The following RSRC1 variants were observed in gnomAD, a reference collection of about 807,000 sequenced individuals.
RSRC1 encodes serine/Arginine-related protein 53.
RSRC1 carries 39 observed loss-of-function variants against 49.1 expected under a neutral mutation model. That is an observed-to-expected ratio of 0.79 (90% confidence interval 0.61 to 1.04). The LOEUF (loss-of-function observed/expected upper bound fraction) is 1.04. Ranked by LOEUF, RSRC1 falls within the 50% of genes least tolerant of loss-of-function variation. RSRC1 has a pLI of 0.00. For missense variants in RSRC1, 388 were observed against 402.4 expected, an observed-to-expected ratio of 0.96 and a Z score of 0.31; for synonymous variants, 143 against 130.8, an observed-to-expected ratio of 1.09 and a Z score of -0.63.
chr3:158,418,112 ACTAT>A (rs1734845135), intron 6 of RSRC1, among the ~76,000 whole-genome samples: 1 of 152,022 alleles, frequency 6.6e-6, no homozygotes, highest in Non-Finnish European at 1.5e-5. Flanking sequence ...TGTGGTTATT[ACTAT>A]CTTTTTATCA....
chr3:158,255,399 C>G (rs1366056627), intron 4 of RSRC1, among the ~76,000 whole-genome samples: 4 of 152,076 alleles, frequency 2.6e-5, no homozygotes, highest in Non-Finnish European at 5.9e-5. Flanking sequence ...ATTTCTGAGG[C>G]CTCTGTTCTG....
Position 158,539,370 on chromosome 3 carries a change from T to A in RSRC1, c.759+2172T>A, listed in dbSNP as rs936054328. Among the ~76,000 whole-genome samples, 16 of 152,084 alleles carry A rather than the reference T, an allele frequency of 1.1e-4. No individual in the cohort carries two copies. The highest frequency in any genetic ancestry group is 2.1e-4 in the Non-Finnish European group (14 of 67,958). On this transcript the variant is annotated intron_variant, in intron 8 of 9. Coordinates refer to ENST00000611884, the MANE Select transcript of RSRC1 (RefSeq NM_001271838.2). The surrounding 1 kb of genome is among the most constrained non-coding windows in gnomAD (Gnocchi z 4.1). Reference sequence around the variant, plus strand: ...CAACACATATTGATTTAACTAGTTTTACTCTCTGAAATCGTATTTCTTTTG... The same window carrying A: ...CAACACATATTGATTTAACTAGTTTAACTCTCTGAAATCGTATTTCTTTTG...
intron 7 of RSRC1, among the ~76,000 whole-genome samples, chr3:158,518,134 A>ATATATATG (rs1740690027): frequency 1.2e-5 from 1 of 80,196 alleles, no homozygotes; most frequent in African/African-American, 6.8e-5. Context: ...GTGTATATAT[A>ATATATATG]TATATATATA....
chr3:158,384,239 G>C (rs1274567205), intron 6 of RSRC1, among the ~76,000 whole-genome samples: 1 of 152,064 alleles, frequency 6.6e-6, no homozygotes, highest in Admixed American at 6.6e-5. Context: ...AGTAGGGTAC[G>C]ATCTAAGATT....
chr3:158,156,882 G>T (rs1717908574), intron 3 of RSRC1, among the ~76,000 whole-genome samples: 1 of 152,312 alleles, frequency 6.6e-6, no homozygotes, highest in South Asian at 2.1e-4. Context: ...TTGAAGTATT[G>T]TGAGACTAAC....
At chr3:158,500,268 G>C (rs1307247714) in intron 7 of RSRC1, among the ~76,000 whole-genome samples, 1 of 152,084 alleles carries the variant, frequency 6.6e-6, no homozygotes, top group Non-Finnish European at 1.5e-5. Flanking sequence ...TCAGTGAGCT[G>C]GTATTTTGTT....
chr3:158,187,635 T>G (rs1720003353), intron 3 of RSRC1, among the ~76,000 whole-genome samples: 1 of 152,036 alleles, frequency 6.6e-6, no homozygotes, highest in South Asian at 2.1e-4. Flanking sequence ...GTAAGGACAG[T>G]CGATCCTGGT....
intron 8 of RSRC1, among the ~76,000 whole-genome samples, chr3:158,541,879 G>A (rs1365294343): frequency 1.3e-5 from 2 of 152,020 alleles, no homozygotes; most frequent in Non-Finnish European, 2.9e-5. Context: ...AACTAAGTAA[G>A]CACTACTCTG....
At chr3:158,346,420 G>T (rs868706858) in intron 5 of RSRC1, among the ~76,000 whole-genome samples, 1 of 152,120 alleles carries the variant, frequency 6.6e-6, no homozygotes, top group Non-Finnish European at 1.5e-5. Flanking sequence ...AATTACTTTT[G>T]TTAAAAAACT....
At chr3:158,447,952 A>G (rs1333072854) in intron 6 of RSRC1, among the ~76,000 whole-genome samples, 1 of 151,876 alleles carries the variant, frequency 6.6e-6, no homozygotes, top group Non-Finnish European at 1.5e-5. Flanking sequence ...TAAAAAATAT[A>G]TATACATTGA....
At chr3:158,521,438 C>T (rs1711667039) in intron 7 of RSRC1, among the ~76,000 whole-genome samples, 1 of 152,050 alleles carries the variant, frequency 6.6e-6, no homozygotes. Context: ...CTGGATTTTT[C>T]ATTTGTCCAA....
chr3:158,264,883 T>C (rs1033420991), intron 4 of RSRC1, among the ~76,000 whole-genome samples: 3 of 152,278 alleles, frequency 2.0e-5, no homozygotes, highest in Non-Finnish European at 4.4e-5. Flanking sequence ...TCTCACTTTG[T>C]ATGACCACCA....
chr3:158,377,067 AG>A (rs1732416270), intron 6 of RSRC1, among the ~76,000 whole-genome samples: 1 of 152,068 alleles, frequency 6.6e-6, no homozygotes, highest in Non-Finnish European at 1.5e-5. Flanking sequence ...TCTGATGAAA[AG>A]TTTAGTCATT....
chr3:158,225,594 A>G (rs1048879411), intron 4 of RSRC1: 4 of 382,374 alleles, frequency 1.0e-5, no homozygotes, highest in African/African-American at 2.2e-5. Context: ...TAAAAGTTAT[A>G]AAGACGGATT....
intron 6 of RSRC1, among the ~76,000 whole-genome samples, chr3:158,360,462 G>A (rs886313219): frequency 6.6e-6 from 1 of 152,154 alleles, no homozygotes; most frequent in African/African-American, 2.4e-5. Context: ...CCTCTGCCCA[G>A]GAGACCTTCT....
intron 6 of RSRC1, among the ~76,000 whole-genome samples, chr3:158,368,408 G>A (rs567341763): frequency 6.6e-6 from 1 of 152,174 alleles, no homozygotes; most frequent in Non-Finnish European, 1.5e-5. Context: ...AGGCAGACTG[G>A]CTTTGTATAA....
At chr3:158,527,239 G>C (rs1712096361) in intron 7 of RSRC1, among the ~76,000 whole-genome samples, 1 of 151,688 alleles carries the variant, frequency 6.6e-6, no homozygotes. Flanking sequence ...ACATCTTCCA[G>C]CAAGTTTTAG....
At chr3:158,393,597 T>G (rs1385067388) in intron 6 of RSRC1, among the ~76,000 whole-genome samples, 1 of 151,036 alleles carries the variant, frequency 6.6e-6, no homozygotes, top group Non-Finnish European at 1.5e-5. Flanking sequence ...ACATAAAACC[T>G]CCAAAGATTG....
chr3:158,289,947 C>CCATCCATT (rs1218381697), intron 4 of RSRC1, among the ~76,000 whole-genome samples: 6 of 151,662 alleles, frequency 4.0e-5, no homozygotes, highest in Non-Finnish European at 8.8e-5. Context: ...ATCCATCCAT[C>CCATCCATT]CATCCATCCA....
Sources: gnomAD v4.1 joint callset for allele counts (sites outside exome capture counted in the v4.1 genomes callset) on GRCh38, gnomAD v4.1.1 for gene constraint, Gnocchi (gnomAD v3.1) non-coding constraint, MANE v1.5 for transcripts, NCBI Gene and HGNC (gene_info 2026-07-23, HGNC 2026-07-21) for gene names.